Variants in ZNF782 observed in about 807,000 individuals in gnomAD.
ZNF782 encodes zinc finger protein 782.
A neutral mutation model predicts 13.0 loss-of-function variants in ZNF782; 12 were observed. The observed-to-expected ratio is 0.92, with a 90% confidence interval of 0.59 to 1.50. The LOEUF (loss-of-function observed/expected upper bound fraction) is 1.50, where lower values mean the gene tolerates loss of function less well. ZNF782 is among the 40% of genes most tolerant of loss of function. The pLI, the probability that ZNF782 is intolerant of heterozygous loss-of-function variation, is 0.00. For synonymous variants in ZNF782, 284 were observed against 283.0 expected, an observed-to-expected ratio of 1.00 and a Z score of -0.04; for missense variants, 770 against 822.9, an observed-to-expected ratio of 0.94 and a Z score of 0.79.
intron 4 of ZNF782, among the ~76,000 whole-genome samples, chr9:96,843,208 A>G (rs779311609): frequency 1.2e-4 from 18 of 152,172 alleles, no homozygotes; most frequent in Non-Finnish European, 2.4e-4. Flanking sequence ...TTATCCCAGA[A>G]AAACTTATGT....
chr9:96,877,269 AC>A (rs1363165467), upstream of ZNF782, among the ~76,000 whole-genome samples: 6 of 152,242 alleles, frequency 3.9e-5, no homozygotes, highest in Non-Finnish European at 8.8e-5. Context: ...CCGTGAACAC[AC>A]CCGTGAAGCT....
At chr9:96,828,966 A>T (rs547894404) in intron 4 of ZNF782, among the ~76,000 whole-genome samples, 12 of 152,218 alleles carry the variant, frequency 7.9e-5, no homozygotes, top group Admixed American at 7.2e-4. Context: ...AAGAGAATTA[A>T]AGCTGACTTC....
intron 3 of ZNF782, among the ~76,000 whole-genome samples, chr9:96,848,112 T>G (rs1851388671): frequency 6.6e-6 from 1 of 152,070 alleles, no homozygotes. Flanking sequence ...TGACAAAATC[T>G]AGTGTACCTT....
chr9:96,891,087 G>C, the ZNF782 span: 5 of 152,194 alleles, frequency 3.3e-5, no homozygotes. Context: ...AATTCATAGA[G>C]GCAGAAAGTA....
At position 96,818,039 on chromosome 9, in the gene ZNF782, T is replaced by C; in HGVS notation, c.1984A>G (p.Arg662Gly). The change falls in exon 6 of 6, where the codon AGA becomes GGA. Residue 662 changes from arginine to glycine, a missense_variant. Coordinates refer to ENST00000481138, the MANE Select transcript of ZNF782 (RefSeq NM_001001662.3). ...GEAFSQKSNL[R>G]VHQRTHTGEK... ...CCTGTGTGAGTTCTCTGATGTACTC[T>C]GAGATTGGATTTCTGACTGAAAGCT... The C allele has an allele frequency of 1.2e-6, 2 of 1,613,696 alleles. No individual in the cohort carries two copies. Among genetic ancestry groups the C allele is most frequent in the South Asian group, 2.2e-5 (2 of 91,074 alleles).
chr9:96,875,729 G>T (rs183011819), upstream of ZNF782: 326 of 393,846 alleles, frequency 8.3e-4, 2 homozygotes, highest in African/African-American at 5.9e-3. Flanking sequence ...CTCACCCTCT[G>T]AATCACAAGC....
chr9:96,924,860 G>C, the ZNF782 span, among the ~76,000 whole-genome samples: 1 of 152,230 alleles, frequency 6.6e-6, no homozygotes, highest in African/African-American at 2.4e-5. Context: ...GGCCAGGTGA[G>C]CAAGGGAAAG....
At chr9:96,861,315 TG>T (rs1332798623) in intron 2 of ZNF782, among the ~76,000 whole-genome samples, 2 of 152,036 alleles carry the variant, frequency 1.3e-5, no homozygotes, top group African/African-American at 4.8e-5. Context: ...ACCCACAGAA[TG>T]GGGGAAGATA....
chr9:96,924,896 G>A, the ZNF782 span, among the ~76,000 whole-genome samples: 61 of 152,326 alleles, frequency 4.0e-4, no homozygotes, highest in African/African-American at 1.4e-3. Context: ...GTCCCGCAGG[G>A]CCCCGCTAAG....
the ZNF782 span, among the ~76,000 whole-genome samples, chr9:96,917,818 G>C: frequency 3.3e-5 from 5 of 151,062 alleles, no homozygotes; most frequent in Non-Finnish European, 5.9e-5. Flanking sequence ...CCAGTTCCTG[G>C]AATCAACCAA....
At chr9:96,859,205 C>T (rs1010917320), upstream of ZNF782, among the ~76,000 whole-genome samples, 10 of 152,194 alleles carry the variant, frequency 6.6e-5, no homozygotes, top group African/African-American at 2.4e-4. Context: ...GTCTAAGCCA[C>T]AAGGACTGCA....
the ZNF782 span, chr9:96,891,472 T>A: frequency 6.6e-6 from 1 of 152,174 alleles, no homozygotes; most frequent in African/African-American, 2.4e-5. Flanking sequence ...TATACTTGTA[T>A]AACTCAAATC....
At chr9:96,931,859 G>A in the ZNF782 span, 27 of 1,612,340 alleles carry the variant, frequency 1.7e-5, no homozygotes, top group Admixed American at 8.3e-5. Flanking sequence ...TCCTCCAGCC[G>A]GCCCTCTGGT....
the ZNF782 span, among the ~76,000 whole-genome samples, chr9:96,885,826 C>T: frequency 6.6e-6 from 1 of 151,966 alleles, no homozygotes; most frequent in Non-Finnish European, 1.5e-5. Flanking sequence ...TTCCTTCCTT[C>T]CTTCCTCTTT....
chr9:96,879,312 C>A (rs1330479653), upstream of ZNF782, among the ~76,000 whole-genome samples: 1 of 151,900 alleles, frequency 6.6e-6, no homozygotes, highest in Non-Finnish European at 1.5e-5. Flanking sequence ...CACGGTGAAA[C>A]CCTGTCTCCA....
At chr9:96,861,088 T>TA (rs969699102) in intron 2 of ZNF782, among the ~76,000 whole-genome samples, 174 of 150,788 alleles carry the variant, frequency 1.2e-3, no homozygotes, top group Middle Eastern at 3.4e-3. Context: ...CTCTATTTCT[T>TA]AAAAAAAAAA....
the ZNF782 span, among the ~76,000 whole-genome samples, chr9:96,925,686 T>C: frequency 2.7e-5 from 4 of 150,076 alleles, no homozygotes; most frequent in East Asian, 6.0e-4. Flanking sequence ...GAGTTTGTAG[T>C]AGCTTCAGAA....
chr9:96,830,095 A>G (rs1194387966), intron 4 of ZNF782, among the ~76,000 whole-genome samples: 2 of 152,230 alleles, frequency 1.3e-5, no homozygotes, highest in Non-Finnish European at 2.9e-5. Flanking sequence ...AAGACAAAAC[A>G]TAAAACCCAA....
chr9:96,844,810 A>G, intron 4 of ZNF782, 80 bp downstream of exon 4: 1 of 1,601,448 alleles, frequency 6.2e-7, no homozygotes, highest in South Asian at 1.1e-5. Context: ...AGGGAGTCAC[A>G]TGGTACGGTA....
Sources: gnomAD v4.1 joint callset for allele counts (sites outside exome capture counted in the v4.1 genomes callset) on GRCh38, gnomAD v4.1.1 for gene constraint, MANE v1.5 for transcripts, NCBI Gene and HGNC (gene_info 2026-07-23, HGNC 2026-07-21) for gene names.